The following EFCAB6 variants were observed in gnomAD, a reference collection of about 807,000 sequenced individuals.
The protein encoded by EFCAB6 is EF-hand calcium binding domain 6.
A neutral mutation model predicts 169.8 loss-of-function variants in EFCAB6; 156 were observed. That is an observed-to-expected ratio of 0.92 (90% CI 0.81 to 1.05). EFCAB6 has a LOEUF of 1.05. Ranked by LOEUF, EFCAB6 falls within the 50% of genes least tolerant of loss-of-function variation. EFCAB6 has a pLI of 0.00. For missense variants in EFCAB6, 1,800 were observed against 1,829.1 expected, an observed-to-expected ratio of 0.98 and a Z score of 0.29; for synonymous variants, 698 against 676.4, an observed-to-expected ratio of 1.03 and a Z score of -0.50.
chr22:43,606,345 C>T (rs1361803507), intron 22 of EFCAB6, among the ~76,000 whole-genome samples: 2 of 152,198 alleles, frequency 1.3e-5, no homozygotes, highest in South Asian at 2.1e-4. Flanking sequence ...CTGGATTACT[C>T]GTTTATCTTG....
chr22:43,576,634 C>T, intron 25 of EFCAB6, 146 bp from the exon 26 acceptor site: 1 of 643,290 alleles, frequency 1.6e-6, no homozygotes, highest in Non-Finnish European at 2.4e-6. Context: ...TAAATAAATG[C>T]ACCATTATTG....
At chr22:43,654,484 A>C in intron 17 of EFCAB6, among the ~76,000 whole-genome samples, 1 of 152,300 alleles carries the variant, frequency 6.6e-6, no homozygotes, top group African/African-American at 2.4e-5. Flanking sequence ...CCTTGACAAG[A>C]TGTGATGAGA....
At chr22:43,735,759 G>A in intron 7 of EFCAB6, 98 bp downstream of exon 7, 2 of 1,402,814 alleles carry the variant, frequency 1.4e-6, no homozygotes, top group East Asian at 2.4e-5. Flanking sequence ...GCAGGGGGAG[G>A]TGAGAGATGG....
chr22:43,803,945 C>A (rs2062822608), intron 2 of EFCAB6, among the ~76,000 whole-genome samples: 1 of 152,150 alleles, frequency 6.6e-6, no homozygotes, highest in Non-Finnish European at 1.5e-5. Context: ...AACTCCTGGG[C>A]TCAAGTGATC....
chr22:43,758,975 C>T (rs1264828485), intron 5 of EFCAB6, among the ~76,000 whole-genome samples: 1 of 152,236 alleles, frequency 6.6e-6, no homozygotes, highest in East Asian at 1.9e-4. Flanking sequence ...GTAATCCCAG[C>T]ACTTTAGGAG....
chr22:43,589,655 G>A lies in EFCAB6; in HGVS notation c.3032+419C>T, dbSNP rs570584831. Reference sequence around the variant, plus strand: ...ATACAAAAATTGGCCAGGCGTGGTGGTGTACACCTGTAATCCCAGCTACTT... The same window carrying A: ...ATACAAAAATTGGCCAGGCGTGGTGATGTACACCTGTAATCCCAGCTACTT... On this transcript the variant is annotated intron_variant, in intron 24 of 31. Coordinates refer to ENST00000262726, the MANE Select transcript of EFCAB6 (RefSeq NM_022785.4). 1.6e-4 allele frequency among the ~76,000 whole-genome samples: 24 copies of A among 152,294 alleles called. No homozygotes were observed. The South Asian group carries it at 3.9e-3, about 25-fold the overall frequency.
intron 17 of EFCAB6, among the ~76,000 whole-genome samples, chr22:43,656,220 G>A (rs574303239): frequency 1.6e-4 from 24 of 152,066 alleles, no homozygotes; most frequent in Non-Finnish European, 3.1e-4. Flanking sequence ...GTGAAACCCC[G>A]TCTCTACTAA....
In EFCAB6 at chr22:43,667,175, C is replaced by A; in HGVS notation, c.1912G>T (p.Ala638Ser). 1 of 1,614,046 alleles carries A rather than the reference C, an allele frequency of 6.2e-7. No individual in the cohort carries two copies. The highest frequency in any genetic ancestry group is 8.5e-7 in the Non-Finnish European group (1 of 1,179,988). The stretch of plus-strand genomic sequence containing the variant: ...AAGTCAAGAAATCGTTTTTTGAATG[C>A]CGGGTCCTGCTGCTGTATACACTTT... The part of the protein sequence containing the change: ...FKKCIQQQDP[A>S]FKKRFLDFSK... The change falls in exon 17 of 32, where the codon GCA becomes TCA. Residue 638 changes from alanine (A) to serine (S), a missense_variant. Ala to Ser is a moderately conservative substitution (Grantham distance 99). Transcript: ENST00000262726.
chr22:43,758,324 T>C (rs1170039956), intron 5 of EFCAB6, among the ~76,000 whole-genome samples: 1 of 152,174 alleles, frequency 6.6e-6, no homozygotes, highest in Admixed American at 6.5e-5. Context: ...TAGATTTTTT[T>C]CCCCTTTCTT....
chr22:43,646,945 C>T (rs1456543887), intron 17 of EFCAB6, among the ~76,000 whole-genome samples: 1 of 152,098 alleles, frequency 6.6e-6, no homozygotes, highest in Admixed American at 6.6e-5. Context: ...TTCTTTTGAC[C>T]TAGACATTTC....
At chr22:43,644,854 A>T (rs1416787919) in intron 17 of EFCAB6, among the ~76,000 whole-genome samples, 3 of 152,240 alleles carry the variant, frequency 2.0e-5, no homozygotes, top group African/African-American at 4.8e-5. Context: ...AATCTGAACC[A>T]GTTCTGCAAG....
chr22:43,777,710 A>C (rs369008226), intron 3 of EFCAB6, among the ~76,000 whole-genome samples: 7 of 152,278 alleles, frequency 4.6e-5, no homozygotes, highest in Admixed American at 6.5e-5. Flanking sequence ...TCTCATATAT[A>C]TTTTTAGTTG....
chr22:43,564,761 C>T (rs1020765015), intron 26 of EFCAB6, among the ~76,000 whole-genome samples: 2 of 152,200 alleles, frequency 1.3e-5, no homozygotes, highest in East Asian at 3.8e-4. Flanking sequence ...AGTAAAGAGC[C>T]CTCTAATATC....
intron 23 of EFCAB6, among the ~76,000 whole-genome samples, chr22:43,593,090 T>C (rs962800168): frequency 9.2e-5 from 14 of 151,482 alleles, no homozygotes; most frequent in African/African-American, 2.9e-4. Context: ...CCTGAAAACA[T>C]TGAATCTTCA....
At position 43,535,035 on chromosome 22, in the gene EFCAB6, CAT is replaced by C. The variant is rs1281102120; in HGVS notation, c.4049-165_4049-164del. 1.1e-4 allele frequency: 76 copies of C among 697,812 alleles called. No homozygotes were observed. The East Asian group carries it at 1.6e-3, about 15-fold the overall frequency. 43.2% of individuals were successfully genotyped at this position (697,812 alleles called of 1,614,324 possible). A position where few individuals can be genotyped will look rare whatever the true frequency, so the allele number is the denominator to read the frequency against. On this transcript the variant is annotated intron_variant, in intron 29 of 31. Coordinates refer to ENST00000262726, the MANE Select transcript of EFCAB6 (RefSeq NM_022785.4). The stretch of plus-strand genomic sequence containing the variant: ...GTGGCTGGACATATGTGGAGACAGA[CAT>C]GTGACAAACTAAGTGCCGCAGGGAG...
chr22:43,721,918 T>C (rs1195719084), intron 8 of EFCAB6, among the ~76,000 whole-genome samples: 1 of 152,096 alleles, frequency 6.6e-6, no homozygotes, highest in Non-Finnish European at 1.5e-5. Flanking sequence ...TAAAGAACTT[T>C]TCTGCACAGC....
Position 43,534,860 on chromosome 22 carries a change from T to G in EFCAB6, c.4061A>C (p.Lys1354Thr). The G allele has an allele frequency of 6.2e-7, 1 of 1,602,798 alleles. No individual in the cohort carries two copies. The highest frequency in any genetic ancestry group is 8.5e-7 in the Non-Finnish European group (1 of 1,176,432). The change falls in exon 30 of 32, where the codon AAA becomes ACA. Residue 1354 changes from lysine (K) to threonine (T), a missense_variant. Transcript: ENST00000262726. Reference sequence around the variant, plus strand: ...CTCTTTGCTTATGTCCAGGTTGAATTTCTCCACAAGAGCTACAGAAAAAAA... The same window carrying G: ...CTCTTTGCTTATGTCCAGGTTGAATGTCTCCACAAGAGCTACAGAAAAAAA... The part of the protein sequence containing the change: ...NASDFLALVE[K>T]FNLDISKEEC...
At chr22:43,754,637 T>A (rs1422351327) in intron 6 of EFCAB6, among the ~76,000 whole-genome samples, 1 of 152,202 alleles carries the variant, frequency 6.6e-6, no homozygotes, top group African/African-American at 2.4e-5. Context: ...TGGAGTTCCA[T>A]TTCAGATTTG....
chr22:43,594,807 T>C (rs1013057161), intron 23 of EFCAB6, among the ~76,000 whole-genome samples: 2 of 152,238 alleles, frequency 1.3e-5, no homozygotes, highest in African/African-American at 2.4e-5. Flanking sequence ...ACAGGACCTG[T>C]CATCCAATTG....
Sources: gnomAD v4.1 joint callset for allele counts (sites outside exome capture counted in the v4.1 genomes callset) on GRCh38, gnomAD v4.1.1 for gene constraint, MANE v1.5 for transcripts, NCBI Gene and HGNC (gene_info 2026-07-23, HGNC 2026-07-21) for gene names.